The following SH3GL3 variants were observed in gnomAD, a reference collection of about 807,000 sequenced individuals.
The protein encoded by SH3GL3 is SH3 domain containing GRB2 like 3, endophilin A3.
SH3GL3 carries 33 observed loss-of-function variants against 47.7 expected under a neutral mutation model. That is an observed-to-expected ratio of 0.69 (90% CI 0.52 to 0.92). SH3GL3 has a LOEUF of 0.92. Ranked by LOEUF, SH3GL3 falls within the 40% of genes least tolerant of loss-of-function variation. SH3GL3 has a pLI of 0.00. For missense variants in SH3GL3, 363 were observed against 417.8 expected, an observed-to-expected ratio of 0.87 and a Z score of 1.14; for synonymous variants, 155 against 148.8, an observed-to-expected ratio of 1.04 and a Z score of -0.30.
intron 1 of SH3GL3, among the ~76,000 whole-genome samples, chr15:83,479,312 G>T (rs1458553574): frequency 6.6e-6 from 1 of 151,918 alleles, no homozygotes; most frequent in African/African-American, 2.4e-5. Flanking sequence ...CTCGATTTGT[G>T]TAGAGGTAGA....
intron 1 of SH3GL3, among the ~76,000 whole-genome samples, chr15:83,483,015 C>G (rs2041436438): frequency 6.6e-6 from 1 of 152,164 alleles, no homozygotes; most frequent in Admixed American, 6.5e-5. Context: ...TTTGACTTTT[C>G]CTTCCCTTGC....
intron 6 of SH3GL3, among the ~76,000 whole-genome samples, chr15:83,577,644 A>C (rs1424125156): frequency 2.0e-5 from 3 of 151,350 alleles, no homozygotes; most frequent in Non-Finnish European, 4.4e-5. Context: ...TACCCGACTC[A>C]GCCTCCCAAA....
At chr15:83,566,361 A>AGTGTGT (rs1326661845) in intron 3 of SH3GL3, among the ~76,000 whole-genome samples, 2 of 118,346 alleles carry the variant, frequency 1.7e-5, no homozygotes, top group Non-Finnish European at 1.8e-5. Flanking sequence ...AGAGAGAGAG[A>AGTGTGT]GAGAGTGTGT....
chr15:83,460,022 TC>T (rs1178762159), intron 1 of SH3GL3, among the ~76,000 whole-genome samples: 31 of 15,326 alleles, frequency 2.0e-3, no homozygotes, highest in African/African-American at 0.012. Context: ...TCCCGTCCCC[TC>T]CCCTCCCTCC....
At chr15:83,626,275 G>C in the SH3GL3 span, among the ~76,000 whole-genome samples, 1 of 152,170 alleles carries the variant, frequency 6.6e-6, no homozygotes, top group Admixed American at 6.5e-5. Context: ...AGCACAAGAA[G>C]TAACAATCTG....
chr15:83,566,365 A>AGAGTGTGTGTGTGTGTGT (rs1459069703), intron 3 of SH3GL3, among the ~76,000 whole-genome samples: 5 of 136,626 alleles, frequency 3.7e-5, no homozygotes, highest in African/African-American at 1.4e-4. Flanking sequence ...AGAGAGAGAG[A>AGAGTGTGTGTGTGTGTGT]GTGTGTGTGT....
intron 1 of SH3GL3, among the ~76,000 whole-genome samples, chr15:83,545,735 A>G (rs1259057853): frequency 6.6e-6 from 1 of 152,216 alleles, no homozygotes; most frequent in Non-Finnish European, 1.5e-5. Context: ...CTATATGTGC[A>G]TTAGGGAGTG....
rs919712747 is a variant in SH3GL3 at position 83,549,730 on chromosome 15, G to A, written c.46-9523G>A. 5.9e-5 allele frequency among the ~76,000 whole-genome samples: 9 copies of A among 152,114 alleles called. No individual in the cohort carries two copies. In the East Asian group the frequency reaches 1.7e-3, roughly 29 times the overall value. ...TAGCTTGTCAGGTTTGCTTCTTTAT[G>A]TTTCCCTTTTTCCCAGAAATTTGGC... On this transcript the variant is annotated intron_variant, in intron 1 of 8. Transcript: ENST00000427482.
chr15:83,472,395 AT>A (rs201363555), intron 1 of SH3GL3, among the ~76,000 whole-genome samples: 1 of 149,758 alleles, frequency 6.7e-6, no homozygotes, highest in East Asian at 2.0e-4. Flanking sequence ...TCTTTGTCTT[AT>A]TTTTTTCCTG....
Position 83,531,963 on chromosome 15 carries a change from ATCTG to A in SH3GL3, c.46-27286_46-27283del, listed in dbSNP as rs775661506. 7.9e-4 allele frequency among the ~76,000 whole-genome samples: 121 copies of A among 152,244 alleles called. 1 individual carries two copies. The highest frequency in any genetic ancestry group is 3.4e-3 in the Middle Eastern group (1 of 294). ...TTTTTATTTGGAAGGTGTTGATTGA[ATCTG>A]TCTTTTTTTCTGAAAACTTCAGCAT... On this transcript the variant is annotated intron_variant, in intron 1 of 8. Coordinates refer to ENST00000427482, the MANE Select transcript of SH3GL3 (RefSeq NM_003027.5).
At chr15:83,473,420 G>A (rs2040927882) in intron 1 of SH3GL3, among the ~76,000 whole-genome samples, 1 of 152,132 alleles carries the variant, frequency 6.6e-6, no homozygotes, top group Admixed American at 6.5e-5. Context: ...TCTGTGGTCT[G>A]TGGCTGGAGT....
chr15:83,531,545 G>T (rs1049714881), intron 1 of SH3GL3, among the ~76,000 whole-genome samples: 1 of 152,204 alleles, frequency 6.6e-6, no homozygotes, highest in Non-Finnish European at 1.5e-5. Context: ...TAAGTGGCAG[G>T]CAGATCGTGG....
At chr15:83,560,137 A>C (rs2151744014) in intron 2 of SH3GL3, among the ~76,000 whole-genome samples, 1 of 152,226 alleles carries the variant, frequency 6.6e-6, no homozygotes, top group Middle Eastern at 3.4e-3. Flanking sequence ...CAGAGGAGAG[A>C]GGGAGGAAAT....
At chr15:83,597,818 C>A (rs1005643600) in intron 8 of SH3GL3, among the ~76,000 whole-genome samples, 1 of 152,106 alleles carries the variant, frequency 6.6e-6, no homozygotes, top group African/African-American at 2.4e-5. Flanking sequence ...CCATGTTGGC[C>A]AGGCTGGTTG....
chr15:83,549,875 A>G (rs1477365381), intron 1 of SH3GL3, among the ~76,000 whole-genome samples: 2 of 152,162 alleles, frequency 1.3e-5, no homozygotes, highest in African/African-American at 2.4e-5. Context: ...CCTATGTTGC[A>G]AGACAGAACA....
intron 1 of SH3GL3, among the ~76,000 whole-genome samples, chr15:83,509,984 A>G (rs2042679779): frequency 6.6e-6 from 1 of 152,198 alleles, no homozygotes; most frequent in Admixed American, 6.5e-5. Flanking sequence ...TTTAGGGAGC[A>G]TGCCCAGTGC....
rs146474976 is a variant in SH3GL3, at chr15:83,525,728, C to G, written c.46-33525C>G. On this transcript the variant is annotated intron_variant, in intron 1 of 8. Transcript: ENST00000427482. Reference sequence around the variant, plus strand: ...TGAGAGATAGGGATCCAATTTCATTCTTCTGCATATGGATACCGAGTTTTC... The same window carrying G: ...TGAGAGATAGGGATCCAATTTCATTGTTCTGCATATGGATACCGAGTTTTC... 4.9e-3 allele frequency among the ~76,000 whole-genome samples: 746 copies of G among 152,168 alleles called. 2 individuals carry two copies. Among genetic ancestry groups the G allele is most frequent in the Non-Finnish European group, 8.1e-3 (552 of 67,976 alleles).
intron 1 of SH3GL3, among the ~76,000 whole-genome samples, chr15:83,479,521 G>A (rs1169214367): frequency 6.6e-6 from 1 of 152,122 alleles, no homozygotes; most frequent in African/African-American, 2.4e-5. Context: ...CAGCATAGAA[G>A]CCACCTGAGA....
intron 8 of SH3GL3, among the ~76,000 whole-genome samples, chr15:83,610,625 A>G (rs2060635029): frequency 3.3e-5 from 5 of 152,184 alleles, no homozygotes; most frequent in Admixed American, 3.3e-4. Flanking sequence ...TATATTGCAT[A>G]GGGATCAAGA....
Sources: gnomAD v4.1 joint callset for allele counts (sites outside exome capture counted in the v4.1 genomes callset) on GRCh38, gnomAD v4.1.1 for gene constraint, MANE v1.5 for transcripts, NCBI Gene and HGNC (gene_info 2026-07-23, HGNC 2026-07-21) for gene names.